RBFOX1: variants seen among roughly 807,000 people sequenced by gnomAD.
RBFOX1 encodes the protein RNA binding protein fox-1 homolog 1.
Under a neutral mutation model 57.7 loss-of-function variants are expected in RBFOX1, and 8 were observed. The ratio of observed to expected loss-of-function variants is 0.14; its 90% confidence interval spans 0.08 to 0.25. The LOEUF is 0.25. RBFOX1 is among the 10% of genes least tolerant of loss of function. RBFOX1 has a pLI of 1.00. For synonymous variants in RBFOX1, 326 were observed against 222.4 expected (o/e 1.47, Z -4.15); for missense variants, 611 against 548.5 (o/e 1.11, Z -1.14).
At chr16:5,462,522 G>A (rs1342631395) in intron 1 of RBFOX1, among the ~76,000 whole-genome samples, 1 of 152,086 alleles carries the variant, frequency 6.6e-6, no homozygotes, top group Non-Finnish European at 1.5e-5. Context: ...TAAAGAAGCA[G>A]GATACACAAT....
chr16:6,485,837 T>C (rs2095468590), intron 2 of RBFOX1, among the ~76,000 whole-genome samples: 1 of 152,192 alleles, frequency 6.6e-6, no homozygotes, highest in Admixed American at 6.5e-5. Context: ...GTTTTTCCTA[T>C]CACTTGTCTT....
chr16:7,400,501 C>A (rs528659332), intron 4 of RBFOX1, among the ~76,000 whole-genome samples: 1 of 152,138 alleles, frequency 6.6e-6, no homozygotes, highest in African/African-American at 2.4e-5. Flanking sequence ...TACCTTGGCC[C>A]ACAGCTTTCT....
chr16:7,216,812 C>T (rs2092126662), intron 4 of RBFOX1, among the ~76,000 whole-genome samples: 1 of 152,132 alleles, frequency 6.6e-6, no homozygotes, highest in African/African-American at 2.4e-5. Context: ...CTGGTAGTTA[C>T]TGTTTTTTCA....
chr16:5,747,494 G>C (rs1490398356), intron 3 of RBFOX1, among the ~76,000 whole-genome samples: 1 of 152,140 alleles, frequency 6.6e-6, no homozygotes, highest in Non-Finnish European at 1.5e-5. Flanking sequence ...GTAGAATTCG[G>C]CTGTGAATCT....
intron 4 of RBFOX1, among the ~76,000 whole-genome samples, chr16:7,123,998 T>A (rs1354365950): frequency 1.3e-5 from 2 of 152,162 alleles, no homozygotes; most frequent in Non-Finnish European, 2.9e-5. Flanking sequence ...GCATATGATG[T>A]CTATTTAATT....
chr16:7,610,974 C>CT (rs397855825), intron 10 of RBFOX1, among the ~76,000 whole-genome samples: 2 of 151,942 alleles, frequency 1.3e-5, no homozygotes, highest in South Asian at 2.1e-4. Context: ...ATGAAGACCC[C>CT]TTGTCATTGA....
At chr16:5,773,993 G>C (rs9927334) in intron 3 of RBFOX1, among the ~76,000 whole-genome samples, 37,084 of 152,096 alleles carry the variant, frequency 0.24, 5,314 homozygotes, top group East Asian at 0.55. Context: ...TGCTTGGCCT[G>C]CATTTTTTCT....
At chr16:5,794,683 A>C (rs761618098) in intron 3 of RBFOX1, among the ~76,000 whole-genome samples, 1 of 152,218 alleles carries the variant, frequency 6.6e-6, no homozygotes, top group African/African-American at 2.4e-5. Context: ...GAGGGGAGCC[A>C]AGAAGAACAC....
chr16:7,663,878 C>T (rs570917974), intron 12 of RBFOX1, among the ~76,000 whole-genome samples: 14 of 152,300 alleles, frequency 9.2e-5, no homozygotes, highest in African/African-American at 1.7e-4. Context: ...CAGTTTCTCA[C>T]GACCACGTAG....
intron 4 of RBFOX1, among the ~76,000 whole-genome samples, chr16:7,109,858 C>T (rs752617): frequency 6.6e-6 from 1 of 152,064 alleles, no homozygotes; most frequent in African/African-American, 2.4e-5. Flanking sequence ...GTGCTAGGAC[C>T]AGGTCACTAG....
intron 2 of RBFOX1, chr16:6,483,276 C>T (rs946770963): frequency 6.8e-5 from 90 of 1,332,704 alleles, no homozygotes; most frequent in Non-Finnish European, 1.7e-5. Flanking sequence ...GTGTTGATTG[C>T]CTCCTTGCAC....
chr16:7,338,567 T>G (rs145926407), intron 4 of RBFOX1, among the ~76,000 whole-genome samples: 32 of 152,166 alleles, frequency 2.1e-4, no homozygotes, highest in African/African-American at 7.7e-4. Flanking sequence ...TTAAAAAAAA[T>G]TCTTTTGTAG....
At chr16:6,233,832 C>G (rs751489877) in intron 1 of RBFOX1, among the ~76,000 whole-genome samples, 1 of 152,172 alleles carries the variant, frequency 6.6e-6, no homozygotes, top group Non-Finnish European at 1.5e-5. Flanking sequence ...GTGGTTCACT[C>G]TCTCTGGAAC....
In RBFOX1 at chr16:6,121,759, C is replaced by T. The variant is rs2096551476; in HGVS notation, c.-127+101767C>T. ...CCAGCTGGGTGAAGGTGAACAAGTT[C>T]ATTGATCTCTCTCAGACTGTTTCCT... On this transcript the variant is annotated intron_variant, in intron 1 of 15. Transcript: ENST00000550418. Among the ~76,000 whole-genome samples the T allele has an allele frequency of 2.6e-5, 4 of 152,224 alleles. No homozygotes were observed. In the South Asian group the frequency reaches 8.3e-4, roughly 32 times the overall value.
At chr16:6,414,202 A>C (rs802324) in intron 2 of RBFOX1, among the ~76,000 whole-genome samples, 30,334 of 152,148 alleles carry the variant, frequency 0.2, 5,941 homozygotes, top group African/African-American at 0.51. Flanking sequence ...TTTTGTGAAG[A>C]ACCTTGGAAA....
intron 4 of RBFOX1, among the ~76,000 whole-genome samples, chr16:7,266,952 G>C (rs2095166945): frequency 6.6e-6 from 1 of 151,972 alleles, no homozygotes; most frequent in Non-Finnish European, 1.5e-5. Context: ...TAGGGAGAGA[G>C]AAGATCATGT....
chr16:6,785,316 A>G (rs1471718495), intron 3 of RBFOX1, among the ~76,000 whole-genome samples: 2 of 152,182 alleles, frequency 1.3e-5, no homozygotes, highest in East Asian at 3.9e-4. Context: ...CATCTCATTT[A>G]TCCAGACATC....
chr16:5,415,202 C>T (rs1464649548), intron 1 of RBFOX1, among the ~76,000 whole-genome samples: 1 of 152,116 alleles, frequency 6.6e-6, no homozygotes, highest in Non-Finnish European at 1.5e-5. Context: ...TTCTATGTGG[C>T]TGGGGAGACC....
At chr16:5,918,017 C>T (rs988151444) in intron 4 of RBFOX1, among the ~76,000 whole-genome samples, 3 of 152,186 alleles carry the variant, frequency 2.0e-5, no homozygotes, top group African/African-American at 7.2e-5. Context: ...TTGATCCTCG[C>T]CTTCTAAGAA....
Sources: gnomAD v4.1 joint callset for allele counts (sites outside exome capture counted in the v4.1 genomes callset) on GRCh38, gnomAD v4.1.1 for gene constraint, MANE v1.5 for transcripts, NCBI Gene and HGNC (gene_info 2026-07-23, HGNC 2026-07-21) for gene names.